EBF3: variants seen among roughly 807,000 people sequenced by gnomAD.
EBF3 encodes the protein EBF transcription factor 3, also known as transcription factor COE3.
In EBF3, 18 loss-of-function variants were observed where a neutral mutation model predicts 77.1. The ratio of observed to expected loss-of-function variants is 0.23; its 90% confidence interval spans 0.16 to 0.35. The LOEUF is 0.35. Ranked by LOEUF, EBF3 falls within the 10% of genes least tolerant of loss-of-function variation. EBF3 has a pLI of 1.00. For synonymous variants in EBF3, 350 were observed against 343.5 expected (o/e 1.02, Z -0.21); for missense variants, 558 against 860.0 (o/e 0.65, Z 4.39).
rs377458707 is a variant in EBF3, at chr10:129,957,323, C to A, written c.489G>T (p.Arg163=). Residue 163 remains arginine (R), a synonymous_variant, in exon 6 of 17, where the codon CGG becomes CGT. Coordinates refer to ENST00000440978, the MANE Select transcript of EBF3 (RefSeq NM_001375380.1). ...TGCCACAACTTTTCTTGTCACAGCA[C>A]CGGCTGTGGAGCAATTGTAAACAGT... ...VLLTHEIMCS[R]CCDKKSCGNR... is the part of the protein sequence containing the mutation. The A allele has an allele frequency of 5.3e-5, 86 of 1,608,628 alleles. No individual in the cohort carries two copies. In the African/African-American group the frequency reaches 1.0e-3, roughly 20 times the overall value.
intron 6 of EBF3, among the ~76,000 whole-genome samples, chr10:129,914,671 A>G (rs1215844638): frequency 6.6e-6 from 1 of 152,136 alleles, no homozygotes; most frequent in African/African-American, 2.4e-5. Flanking sequence ...CGGCCGGTCC[A>G]TCTGAAAGCA....
chr10:129,943,419 T>C lies in EBF3; in HGVS notation c.554+13839A>G, dbSNP rs1241651133. Among the ~76,000 whole-genome samples, 1 of 152,232 alleles carries C rather than the reference T, an allele frequency of 6.6e-6. No homozygotes were observed. The highest frequency in any genetic ancestry group is 1.9e-4 in the East Asian group (1 of 5,198). ...TATAGGCTTGGCTGGATAATTTCAT[T>C]TTAAAAGTATCGCTAAAATTTGATG... On this transcript the variant is annotated intron_variant, in intron 6 of 16. Transcript: ENST00000440978. The surrounding 1 kb of genome is among the most constrained non-coding windows in gnomAD (Gnocchi z 8.8).
At chr10:129,901,662 C>T (rs909258988) in intron 6 of EBF3, among the ~76,000 whole-genome samples, 1 of 152,206 alleles carries the variant, frequency 6.6e-6, no homozygotes, top group Admixed American at 6.5e-5. Context: ...ATTTGCTTTC[C>T]TACCAATTAG....
In EBF3 at chr10:129,964,184, G is replaced by A; in HGVS notation, c.-416C>T. 6.1e-6 allele frequency: 6 copies of A among 984,942 alleles called. No homozygotes were observed. Among genetic ancestry groups the A allele is most frequent in the Non-Finnish European group, 7.2e-6 (6 of 829,782 alleles). The allele number at this position is 984,942 out of a possible 1,614,324, so 61.0% of individuals were successfully genotyped here. On this transcript the variant is annotated 5_prime_UTR_variant, in exon 1 of 17. Coordinates refer to ENST00000440978, the MANE Select transcript of EBF3 (RefSeq NM_001375380.1). This position sits in a 1 kb window ranked among gnomAD's most constrained non-coding sequence, Gnocchi z 4.5. Reference sequence around the variant, plus strand: ...ACGGGGCAGTGAGTGCTGCGGCGCAGTCCCGGGCGCAGGCGGGGCGCGGCG... The same window carrying A: ...ACGGGGCAGTGAGTGCTGCGGCGCAATCCCGGGCGCAGGCGGGGCGCGGCG...
chr10:129,955,657 G>A (rs1858981420), intron 6 of EBF3, among the ~76,000 whole-genome samples: 1 of 152,180 alleles, frequency 6.6e-6, no homozygotes. Context: ...ATTGAATGTT[G>A]CACAAATCCA....
intron 6 of EBF3, among the ~76,000 whole-genome samples, chr10:129,945,753 G>T (rs1392841859): frequency 6.6e-6 from 1 of 152,140 alleles, no homozygotes; most frequent in Non-Finnish European, 1.5e-5. Context: ...ATATTTCCTT[G>T]GAATTGCAGG....
In EBF3 at chr10:129,950,306, T is replaced by G. The variant is rs575549570; in HGVS notation, c.554+6952A>C. Among the ~76,000 whole-genome samples the G allele has an allele frequency of 2.3e-4, 35 of 152,300 alleles. 1 individual carries two copies. Among genetic ancestry groups the G allele is most frequent in the African/African-American group, 8.2e-4 (34 of 41,566 alleles). On this transcript the variant is annotated intron_variant, in intron 6 of 16. Transcript: ENST00000440978. ...TTTGCAGAGGATGCGCCCCATCCAC[T>G]CGGGCACCACAGCCCTGCATGAATT... is the stretch of plus-strand genomic sequence containing the variant.
chr10:129,840,179 C>T (rs1210665629), intron 15 of EBF3, 66 bp downstream of exon 15: 4 of 1,265,378 alleles, frequency 3.2e-6, no homozygotes, highest in Middle Eastern at 2.7e-4. Flanking sequence ...CGAGCCCCCA[C>T]CCCCACTCCC....
At chr10:129,933,067 C>T (rs10829662) in intron 6 of EBF3, among the ~76,000 whole-genome samples, 89,884 of 151,860 alleles carry the variant, frequency 0.59, 27,126 homozygotes, top group East Asian at 0.79. Context: ...AAAGTGCGGG[C>T]GGCAGTGACA....
At chr10:129,924,704 T>C (rs961505040) in intron 6 of EBF3, among the ~76,000 whole-genome samples, 3 of 152,212 alleles carry the variant, frequency 2.0e-5, no homozygotes, top group Non-Finnish European at 2.9e-5. Flanking sequence ...TTCTGCTCTG[T>C]TGCCCGAGCT....
intron 10 of EBF3, among the ~76,000 whole-genome samples, chr10:129,866,496 T>C (rs1036047131): frequency 6.6e-6 from 1 of 152,226 alleles, no homozygotes; most frequent in East Asian, 1.9e-4. Context: ...GACAAAGCAT[T>C]GTATAGAACA....
intron 16 of EBF3, 124 bp downstream of exon 16, chr10:129,838,959 T>C (rs1849810695): frequency 3.1e-6 from 3 of 961,884 alleles, no homozygotes; most frequent in African/African-American, 1.7e-5. Context: ...CACCTGCCTC[T>C]GCAACGACCC....
At position 129,963,604 on chromosome 10, in the gene EBF3, GC is replaced by G; in HGVS notation, c.134+30del. 1 of 1,292,944 alleles carries G rather than the reference GC, an allele frequency of 7.7e-7. No individual in the cohort carries two copies. The highest frequency in any genetic ancestry group is 9.9e-7 in the Non-Finnish European group (1 of 1,005,642). 80.1% of individuals were successfully genotyped at this position (1,292,944 alleles called of 1,614,324 possible). On this transcript the variant is annotated intron_variant, in intron 1 of 16. Coordinates refer to ENST00000440978, the MANE Select transcript of EBF3 (RefSeq NM_001375380.1). This position sits in a 1 kb window ranked among gnomAD's most constrained non-coding sequence, Gnocchi z 7.1. ...GGGGCCGGGCCGGGCCGGGGCCGGG[GC>G]CAGGGCGCGCGGGGGCGGCCGGTAC... is the stretch of plus-strand genomic sequence containing the variant.
chr10:129,847,720 C>G (rs1196480060), intron 11 of EBF3, among the ~76,000 whole-genome samples: 1 of 152,086 alleles, frequency 6.6e-6, no homozygotes, highest in Non-Finnish European at 1.5e-5. Context: ...GAGAAAGAGA[C>G]AAAATTATAT....
intron 8 of EBF3, among the ~76,000 whole-genome samples, chr10:129,871,064 G>C (rs1310643419): frequency 6.6e-6 from 1 of 152,158 alleles, no homozygotes; most frequent in African/African-American, 2.4e-5. Flanking sequence ...CTCTCCTAGG[G>C]CCATCTGTTC....
chr10:129,918,468 G>C (rs1279693428), intron 6 of EBF3, among the ~76,000 whole-genome samples: 1 of 152,256 alleles, frequency 6.6e-6, no homozygotes, highest in Non-Finnish European at 1.5e-5. Flanking sequence ...TGGACCACCA[G>C]ACTAAAGAGG....
chr10:129,865,992 T>C (rs1176887991), intron 10 of EBF3, among the ~76,000 whole-genome samples: 1 of 152,178 alleles, frequency 6.6e-6, no homozygotes, highest in East Asian at 1.9e-4. Context: ...CCACAGATAG[T>C]AAGTATTCAT....
intron 4 of EBF3, among the ~76,000 whole-genome samples, chr10:129,961,707 T>C (rs2134645546): frequency 6.6e-6 from 1 of 151,752 alleles, no homozygotes; most frequent in South Asian, 2.1e-4. Flanking sequence ...AACTTTTAAA[T>C]CCAAATAAAC....
intron 6 of EBF3, among the ~76,000 whole-genome samples, chr10:129,891,402 T>A (rs1019522092): frequency 1.3e-5 from 2 of 152,234 alleles, no homozygotes; most frequent in Admixed American, 6.5e-5. Flanking sequence ...GAAATTGGAA[T>A]AAGGTGCAAA....
Sources: gnomAD v4.1 joint callset for allele counts (sites outside exome capture counted in the v4.1 genomes callset) on GRCh38, gnomAD v4.1.1 for gene constraint, Gnocchi (gnomAD v3.1) non-coding constraint, MANE v1.5 for transcripts, NCBI Gene and HGNC (gene_info 2026-07-23, HGNC 2026-07-21) for gene names.